Variants in MYO10 observed in about 807,000 individuals in gnomAD.
MYO10 encodes the protein unconventional myosin-X.
Under a neutral mutation model 257.3 loss-of-function variants are expected in MYO10, and 133 were observed. The observed-to-expected ratio is 0.52, with a 90% confidence interval of 0.45 to 0.60. MYO10 has a LOEUF of 0.60. Ranked by LOEUF, MYO10 falls within the 20% of genes least tolerant of loss-of-function variation. MYO10 has a pLI of 0.00. For missense variants in MYO10, 2,399 were observed against 2,635.7 expected (o/e 0.91, Z 1.97); for synonymous variants, 1,104 against 1,028.6 (o/e 1.07, Z -1.40).
In MYO10 at chr5:16,818,392, G is replaced by GTATATATATATATA. The variant is rs1561000796; in HGVS notation, c.121-226_121-225insTATATATATATATA. ...TGTGTGTGTGTGTGCGTGTGTGTGT[G>GTATATATATATATA]TGTGTGTGTGTGTGTGTGTATATAT... On this transcript the variant is annotated intron_variant, in intron 2 of 40. Transcript: ENST00000513610. 2.4e-3 allele frequency among the ~76,000 whole-genome samples: 253 copies of GTATATATATATATA among 104,956 alleles called. 6 individuals carry two copies. Among genetic ancestry groups the GTATATATATATATA allele is most frequent in the Middle Eastern group, 9.0e-3 (2 of 222 alleles). 68.9% of individuals were successfully genotyped at this position (104,956 alleles called of 152,430 possible). A position where few individuals can be genotyped will look rare whatever the true frequency, so the allele number is the denominator to read the frequency against.
chr5:16,742,776 C>G (rs983549935), intron 19 of MYO10, among the ~76,000 whole-genome samples: 3 of 150,634 alleles, frequency 2.0e-5, no homozygotes, highest in Admixed American at 1.3e-4. Context: ...CACCACTGCA[C>G]TCCAGCCTGG....
At chr5:16,863,958 C>T (rs1744174118) in intron 2 of MYO10, among the ~76,000 whole-genome samples, 1 of 152,150 alleles carries the variant, frequency 6.6e-6, no homozygotes, top group African/African-American at 2.4e-5. Context: ...ATTAGCCAGG[C>T]TTGGTGGCAC....
intron 2 of MYO10, among the ~76,000 whole-genome samples, chr5:16,849,399 T>TTGTC (rs149587844): frequency 0.048 from 7,256 of 152,260 alleles, 597 homozygotes; most frequent in African/African-American, 0.17. Flanking sequence ...ATGGTAGAGT[T>TTGTC]TGTGCCACTA....
At position 16,792,585 on chromosome 5, in the gene MYO10, G is replaced by A. The variant is rs1412014543; in HGVS notation, c.467+2061C>T. ...ACCCCAGTCCCTCCCCACAGGAGCG[G>A]GGGGCGGGGGGCTGCTCTAAGTGCT... On this transcript the variant is annotated intron_variant, in intron 4 of 40. Transcript: ENST00000513610. Among the ~76,000 whole-genome samples the A allele has an allele frequency of 1.6e-4, 10 of 62,390 alleles. No homozygotes were observed. In the South Asian group the frequency reaches 6.6e-3, roughly 41 times the overall value. The allele number at this position is 62,390 out of a possible 152,430, so 40.9% of individuals were successfully genotyped here.
intron 1 of MYO10, among the ~76,000 whole-genome samples, chr5:16,889,779 G>T (rs1036387001): frequency 6.6e-6 from 1 of 151,708 alleles, no homozygotes; most frequent in Admixed American, 6.6e-5. Context: ...GACAGAAAGG[G>T]CAATAAAAGA....
Position 16,701,010 on chromosome 5 carries a change from T to C in MYO10, c.3385A>G (p.Asn1129Asp), listed in dbSNP as rs1360165366. 2 of 1,561,736 alleles carry C rather than the reference T, an allele frequency of 1.3e-6. No individual in the cohort carries two copies. The highest frequency in any genetic ancestry group is 3.8e-5 in the Admixed American group (2 of 52,128). ...CTGAACCGGTAGGCACCCGAGCTGT[T>C]GTAGGTCCCCACAGAGCAGCGGTAG... ...PDYRCSVGTY[N>D]SSGAYRFSSE... is the part of the protein sequence containing the mutation. Residue 1129 changes from asparagine to aspartate, a missense_variant, in exon 25 of 41, where the codon AAC (asparagine) becomes GAC (aspartate). Asn to Asp is a conservative substitution (Grantham distance 23). Coordinates refer to ENST00000513610, the MANE Select transcript of MYO10 (RefSeq NM_012334.3). This position sits in a 1 kb window ranked among gnomAD's most constrained non-coding sequence, Gnocchi z 8.1.
At chr5:16,845,764 G>A (rs571393115) in intron 2 of MYO10, among the ~76,000 whole-genome samples, 1 of 152,086 alleles carries the variant, frequency 6.6e-6, no homozygotes, top group African/African-American at 2.4e-5. Context: ...AAGATATTGA[G>A]ACCATCCTGG....
At chr5:16,919,309 C>T (rs572408755) in intron 1 of MYO10, among the ~76,000 whole-genome samples, 2 of 152,170 alleles carry the variant, frequency 1.3e-5, no homozygotes, top group South Asian at 4.1e-4. Flanking sequence ...ACCCAGGAGA[C>T]GGAGGTTGCA....
chr5:16,687,043 T>G (rs1394624760), intron 28 of MYO10, among the ~76,000 whole-genome samples: 1 of 151,884 alleles, frequency 6.6e-6, no homozygotes, highest in Admixed American at 6.6e-5. Flanking sequence ...AAAACGTGTC[T>G]GGGCATGGTG....
intron 1 of MYO10, among the ~76,000 whole-genome samples, chr5:16,889,311 C>A (rs1363074963): frequency 6.6e-6 from 1 of 151,302 alleles, no homozygotes; most frequent in African/African-American, 2.4e-5. Context: ...GAGGCTGAGG[C>A]AGGAGAATTG....
intron 26 of MYO10, 35 bp downstream of exon 26, chr5:16,699,415 C>T (rs562936194): frequency 6.2e-7 from 1 of 1,608,822 alleles, no homozygotes; most frequent in East Asian, 2.2e-5. Flanking sequence ...CTCGCTCTCC[C>T]CCTAACCCAG....
intron 33 of MYO10, 108 bp downstream of exon 33, chr5:16,679,839 T>C: frequency 7.0e-7 from 1 of 1,421,758 alleles, no homozygotes; most frequent in South Asian, 1.4e-5. Context: ...AGCACTAGTT[T>C]TGATTACAGA....
At chr5:16,811,299 G>A (rs1195324642) in intron 3 of MYO10, among the ~76,000 whole-genome samples, 1 of 152,080 alleles carries the variant, frequency 6.6e-6, no homozygotes, top group Non-Finnish European at 1.5e-5. Flanking sequence ...CCGTAGCTAT[G>A]AGACCAAAAA....
At chr5:16,726,945 T>G (rs2126608989) in intron 19 of MYO10, among the ~76,000 whole-genome samples, 1 of 152,320 alleles carries the variant, frequency 6.6e-6, no homozygotes, top group Non-Finnish European at 1.5e-5. Flanking sequence ...CCTAAAATAC[T>G]TACTATCTTG....
At chr5:16,915,527 G>T (rs1274183400) in intron 1 of MYO10, among the ~76,000 whole-genome samples, 3 of 152,294 alleles carry the variant, frequency 2.0e-5, no homozygotes, top group African/African-American at 7.2e-5. Flanking sequence ...TAATGGCAGG[G>T]GATGGGAACC....
chr5:16,858,528 TTC>T (rs1744027511), intron 2 of MYO10, among the ~76,000 whole-genome samples: 1 of 152,198 alleles, frequency 6.6e-6, no homozygotes, highest in Non-Finnish European at 1.5e-5. Context: ...TATTGAGCAT[TTC>T]TGTTACCTTT....
At chr5:16,762,961 C>A (rs528507311) in intron 14 of MYO10, among the ~76,000 whole-genome samples, 1 of 131,944 alleles carries the variant, frequency 7.6e-6, no homozygotes, top group Non-Finnish European at 1.6e-5. Context: ...GAGACTCCGT[C>A]TCAGGGGAAA....
At chr5:16,893,414 A>G (rs1745125019) in intron 1 of MYO10, among the ~76,000 whole-genome samples, 1 of 151,914 alleles carries the variant, frequency 6.6e-6, no homozygotes, top group African/African-American at 2.4e-5. Context: ...CAGGCAGATC[A>G]CCTGAGATCA....
At position 16,762,034 on chromosome 5, in the gene MYO10, TA is replaced by T; in HGVS notation, c.1656+10del. On this transcript the variant is annotated intron_variant, in intron 16 of 40. Coordinates refer to ENST00000513610, the MANE Select transcript of MYO10 (RefSeq NM_012334.3). The stretch of plus-strand genomic sequence containing the variant: ...AGGCAAATATCAATAGGTATCTTAA[TA>T]AAAAGTTACCTCTCCAGCATAGTGC... 1 of 1,465,638 alleles carries T rather than the reference TA, an allele frequency of 6.8e-7. No homozygotes were observed. The highest frequency in any genetic ancestry group is 1.3e-5 in the South Asian group (1 of 74,922). 90.8% of individuals were successfully genotyped at this position (1,465,638 alleles called of 1,614,324 possible). A position where few individuals can be genotyped will look rare whatever the true frequency, so the allele number is the denominator to read the frequency against.
Sources: allele counts gnomAD v4.1 joint callset (sites outside exome capture counted in the v4.1 genomes callset), GRCh38; gene constraint gnomAD v4.1.1; non-coding constraint Gnocchi (gnomAD v3.1); transcripts MANE v1.5; gene names NCBI Gene and HGNC (gene_info 2026-07-23, HGNC 2026-07-21).